N4BP2: variants seen among roughly 807,000 people sequenced by gnomAD.
N4BP2 encodes NEDD4 binding protein 2.
Under a neutral mutation model 152.8 loss-of-function variants are expected in N4BP2, and 91 were observed. The observed-to-expected ratio is 0.60, with a 90% CI of 0.50 to 0.71. The LOEUF is 0.71. Ranked by LOEUF, N4BP2 falls within the 30% of genes least tolerant of loss-of-function variation. The probability of loss-of-function intolerance (pLI) is 0.00; values close to 1 mark genes in which losing one functional copy is unlikely to be tolerated. For synonymous variants in N4BP2, 646 were observed against 705.3 expected, an observed-to-expected ratio of 0.92 and a Z score of 1.33; for missense variants, 1,923 against 2,059.1, an observed-to-expected ratio of 0.93 and a Z score of 1.28.
the N4BP2 span, among the ~76,000 whole-genome samples, chr4:40,188,376 C>T: frequency 6.6e-6 from 1 of 152,200 alleles, no homozygotes; most frequent in African/African-American, 2.4e-5. Flanking sequence ...CCTCAGTTTC[C>T]TCCTTTGCAA....
At position 40,117,937 on chromosome 4, in the gene N4BP2, C is replaced by T; in HGVS notation, c.1733C>T (p.Ser578Leu). ...TTGGAACATTATCAACGTTTTGTTT[C>T]AGTGCCAATAATTATGAGTTCTTCG... is the stretch of plus-strand genomic sequence containing the variant. ...RMLEHYQRFV[S>L]VPIIMSSSVP... The change falls in exon 8 of 18, where the codon TCA becomes TTA. Residue 578 changes from serine to leucine, a missense_variant. By Grantham distance (145) the Ser-to-Leu change is moderately radical. Coordinates refer to ENST00000261435, the MANE Select transcript of N4BP2 (RefSeq NM_018177.6). The T allele has an allele frequency of 6.2e-7, 1 of 1,612,694 alleles. No individual in the cohort carries two copies. The highest frequency in any genetic ancestry group is 8.5e-7 in the Non-Finnish European group (1 of 1,179,292).
rs1717924476 is a variant in N4BP2 at position 40,121,634 on chromosome 4, C to T, written c.3523C>T (p.Pro1175Ser). 3 of 1,614,076 alleles carry T rather than the reference C, an allele frequency of 1.9e-6. No homozygotes were observed. The highest frequency in any genetic ancestry group is 2.5e-6 in the Non-Finnish European group (3 of 1,180,004). The change falls in exon 9 of 18, where the codon CCT (proline) becomes TCT (serine). Residue 1175 changes from proline to serine, a missense_variant. By Grantham distance (74) the Pro-to-Ser change is moderately conservative (BLOSUM62 -1). Coordinates refer to ENST00000261435, the MANE Select transcript of N4BP2 (RefSeq NM_018177.6). ...QRGTLENSNS[P>S]VPEFSHGIGI... ...AGGAACTTTAGAGAATTCTAATTCT[C>T]CTGTGCCAGAGTTTAGCCATGGGAT...
chr4:40,154,130 G>A, intron 17 of N4BP2, 62 bp from the exon 18 acceptor site: 2 of 1,127,556 alleles, frequency 1.8e-6, no homozygotes, highest in Non-Finnish European at 2.7e-6. Context: ...TGATTACAAG[G>A]TATATTCCTT....
the N4BP2 span, among the ~76,000 whole-genome samples, chr4:40,189,715 C>T: frequency 6.6e-6 from 1 of 152,094 alleles, no homozygotes; most frequent in African/African-American, 2.4e-5. The surrounding 1 kb of genome is among the most constrained non-coding windows in gnomAD (Gnocchi z 4.3). Flanking sequence ...ATGCTGAAAC[C>T]CCATCTCTAC....
At chr4:40,175,119 C>T in the N4BP2 span, among the ~76,000 whole-genome samples, 1 of 152,060 alleles carries the variant, frequency 6.6e-6, no homozygotes, top group South Asian at 2.1e-4. Context: ...TTCCTGGCCT[C>T]AAGCAATCCT....
intron 2 of N4BP2, among the ~76,000 whole-genome samples, chr4:40,097,009 T>C (rs760365110): frequency 1.3e-5 from 2 of 152,240 alleles, no homozygotes; most frequent in Admixed American, 1.3e-4. Flanking sequence ...ATTGAAATAG[T>C]GTATTCATTG....
intron 1 of N4BP2, among the ~76,000 whole-genome samples, chr4:40,063,690 C>A (rs1733825812): frequency 6.6e-6 from 1 of 151,944 alleles, no homozygotes; most frequent in Non-Finnish European, 1.5e-5. Context: ...GTTGCCCAGG[C>A]TGGAGTGCAA....
In N4BP2 at chr4:40,121,975, T is replaced by A. The variant is rs1246817470; in HGVS notation, c.3864T>A (p.Phe1288Leu). The A allele has an allele frequency of 1.3e-6, 2 of 1,554,404 alleles. No homozygotes were observed. Among genetic ancestry groups the A allele is most frequent in the East Asian group, 2.3e-5 (1 of 44,356 alleles). Residue 1288 changes from phenylalanine (F) to leucine (L), a missense_variant, in exon 9 of 18, where the codon TTT becomes TTA. By Grantham distance (22) the Phe-to-Leu change is conservative. Transcript: ENST00000261435. ...CTCCTTCACATTTCTCTGATATTTT[T>A]AACTTTGTATCTAGTACTTCAAATC... ...IHSPSHFSDI[F>L]NFVSSTSNLE...
chr4:40,145,870 A>G (rs1720464568), intron 16 of N4BP2, among the ~76,000 whole-genome samples: 1 of 152,288 alleles, frequency 6.6e-6, no homozygotes, highest in African/African-American at 2.4e-5. Flanking sequence ...TGATAAGAAA[A>G]TACAAGTTGT....
At chr4:40,133,743 C>A (rs541332629) in intron 13 of N4BP2, among the ~76,000 whole-genome samples, 21 of 152,326 alleles carry the variant, frequency 1.4e-4, no homozygotes, top group African/African-American at 5.1e-4. Flanking sequence ...TTGGAAAGAT[C>A]TGAAATCTCA....
In N4BP2 at chr4:40,120,579, A is replaced by T. The variant is rs1003934913; in HGVS notation, c.2468A>T (p.Gln823Leu). Residue 823 changes from glutamine to leucine, a missense_variant, in exon 9 of 18, where the codon CAG becomes CTG. Physicochemically the swap from Gln to Leu is moderately radical, Grantham distance 113. Coordinates refer to ENST00000261435, the MANE Select transcript of N4BP2 (RefSeq NM_018177.6). ...AGCGACAAAAAGTATAATTACCCTC[A>T]GTCACACAAATTAGTTAACAGTGTA... ...VQSDKKYNYP[Q>L]SHKLVNSVSV... 2.5e-6 allele frequency: 4 copies of T among 1,614,186 alleles called. No individual in the cohort carries two copies. In the South Asian group the frequency reaches 4.4e-5, roughly 18 times the overall value.
the N4BP2 span, among the ~76,000 whole-genome samples, chr4:40,173,817 C>G: frequency 6.6e-6 from 1 of 152,304 alleles, no homozygotes; most frequent in Admixed American, 6.5e-5. Flanking sequence ...TTATCACTTT[C>G]TCTTTCCTCT....
chr4:40,131,667 C>T, intron 12 of N4BP2, 134 bp from the exon 13 acceptor site: 1 of 641,830 alleles, frequency 1.6e-6, no homozygotes, highest in Non-Finnish European at 2.7e-6. Flanking sequence ...TAATTTCAGC[C>T]TTTAATCCGT....
At chr4:40,183,491 G>A in the N4BP2 span, among the ~76,000 whole-genome samples, 12 of 151,932 alleles carry the variant, frequency 7.9e-5, no homozygotes, top group South Asian at 2.1e-4. Flanking sequence ...GCCCGCTACC[G>A]TGCCCAGCTA....
chr4:40,172,282 A>G, the N4BP2 span, among the ~76,000 whole-genome samples: 12 of 152,122 alleles, frequency 7.9e-5, no homozygotes, highest in Non-Finnish European at 1.5e-4. Flanking sequence ...TTGGCAGCTG[A>G]TTAGATTGTG....
chr4:40,117,848 T>G, intron 7 of N4BP2, 21 bp from the exon 8 acceptor site: 1 of 1,584,448 alleles, frequency 6.3e-7, no homozygotes, highest in Non-Finnish European at 8.6e-7. Context: ...CTTCAACCCT[T>G]TTTTCCCCTG....
intron 16 of N4BP2, among the ~76,000 whole-genome samples, chr4:40,149,175 A>G (rs1720902189): frequency 1.3e-5 from 2 of 152,242 alleles, no homozygotes; most frequent in Admixed American, 1.3e-4. Flanking sequence ...AATGTCTGCA[A>G]CAGCCAAAAG....
the N4BP2 span, among the ~76,000 whole-genome samples, chr4:40,171,944 C>T: frequency 6.6e-5 from 10 of 152,150 alleles, no homozygotes; most frequent in South Asian, 2.1e-4. Context: ...CTCACTCTGT[C>T]GCTCAGGCTG....
At position 40,102,923 on chromosome 4, in the gene N4BP2, C is replaced by T. The variant is rs1488854844; in HGVS notation, c.1078C>T (p.Pro360Ser). The T allele has an allele frequency of 3.1e-6, 5 of 1,614,200 alleles. No individual in the cohort carries two copies. The highest frequency in any genetic ancestry group is 3.3e-5 in the Admixed American group (2 of 60,012). The change falls in exon 4 of 18, where the codon CCA becomes TCA. Residue 360 changes from proline to serine, a missense_variant. Transcript: ENST00000261435. ...ATTGCTGTTGCCTCCTCCGCCACCTCCACCGATGTGGAATCCAATGATTCC... is the reference window on the plus strand; with the variant it reads ...ATTGCTGTTGCCTCCTCCGCCACCTTCACCGATGTGGAATCCAATGATTCC... ...LPLLLPPPPPPPMWNPMIPAF... is the reference protein window; with the variant it reads ...LPLLLPPPPPSPMWNPMIPAF...
Sources: gnomAD v4.1 joint callset for allele counts (sites outside exome capture counted in the v4.1 genomes callset) on GRCh38, gnomAD v4.1.1 for gene constraint, Gnocchi (gnomAD v3.1) non-coding constraint, MANE v1.5 for transcripts, NCBI Gene and HGNC (gene_info 2026-07-23, HGNC 2026-07-21) for gene names.